The following BCORL1 variants were observed in gnomAD, a reference collection of about 807,000 sequenced individuals.
BCORL1 encodes the protein BCL-6 corepressor-like protein 1.
In BCORL1, 7 loss-of-function variants were observed where a neutral mutation model predicts 87.6. That is an observed-to-expected ratio of 0.08 (90% confidence interval 0.05 to 0.15). The LOEUF (loss-of-function observed/expected upper bound fraction) is 0.15, where lower values mean the gene tolerates loss of function less well. BCORL1 is among the 10% of genes least tolerant of loss of function. The pLI is 1.00. For missense variants in BCORL1, 1,215 were observed against 1,499.7 expected, an observed-to-expected ratio of 0.81 and a Z score of 3.13; for synonymous variants, 591 against 634.4, an observed-to-expected ratio of 0.93 and a Z score of 1.03.
At chrX:129,996,749 A>G (rs1031424247) in intron 1 of BCORL1, among the ~76,000 whole-genome samples, 13 of 111,013 alleles carry the variant, frequency 1.2e-4, no homozygotes. Context: ...CCTCCTGAGT[A>G]GCTGGGACCA....
At position 130,016,057 on chromosome X, in the gene BCORL1, CGTA is replaced by C. The variant is rs1307759815; in HGVS notation, c.3287_3289del (p.Val1096del). 8.3e-7 allele frequency: 1 copy of C among 1,209,681 alleles called. No homozygotes were observed. The highest frequency in any genetic ancestry group is 1.1e-6 in the Non-Finnish European group (1 of 895,241). Reference sequence around the variant, plus strand: ...GGCAGGCTCGAGTGAAACAGGAAAGCGTAGGGGTCTTTGCTTGCAAGAACAAGT... The same window carrying C: ...GGCAGGCTCGAGTGAAACAGGAAAGCGGGGTCTTTGCTTGCAAGAACAAGT... On this transcript the variant is annotated inframe_deletion, in exon 4 of 14. Transcript: ENST00000540052.
intron 6 of BCORL1, 34 bp from the exon 7 acceptor site, chrX:130,024,956 G>T (rs1255627545): frequency 8.4e-7 from 1 of 1,194,230 alleles, no homozygotes; most frequent in Admixed American, 2.3e-5. Flanking sequence ...CTTTGAAGAA[G>T]TACCTGACCA....
chrX:130,002,352 G>A (rs781464314), intron 1 of BCORL1, among the ~76,000 whole-genome samples: 1 of 109,226 alleles, frequency 9.2e-6, no homozygotes, highest in African/African-American at 3.3e-5. Flanking sequence ...ATCAAGGGGC[G>A]AGCTGAAACT....
intron 9 of BCORL1, among the ~76,000 whole-genome samples, 192 bp from the exon 10 acceptor site, chrX:130,037,175 C>T (rs1431656168): frequency 5.4e-5 from 6 of 110,862 alleles, no homozygotes; most frequent in East Asian, 5.7e-4. Flanking sequence ...GCCAAGGAAA[C>T]GGCCCAGAGC....
At chrX:130,017,763 C>T (rs1053142190) in intron 4 of BCORL1, among the ~76,000 whole-genome samples, 4 of 109,951 alleles carry the variant, frequency 3.6e-5, no homozygotes, top group Non-Finnish European at 7.6e-5. Flanking sequence ...ACTTTAGCCT[C>T]CCAAGTAGCT....
intron 1 of BCORL1, among the ~76,000 whole-genome samples, chrX:129,989,346 C>T (rs1409904612): frequency 4.3e-5 from 4 of 92,061 alleles, no homozygotes; most frequent in African/African-American, 1.6e-4. Flanking sequence ...CGGGGTTTCA[C>T]CGTGTTAGCC....
chrX:130,046,363 T>C (rs1452468280), intron 11 of BCORL1, among the ~76,000 whole-genome samples: 1 of 110,763 alleles, frequency 9.0e-6, no homozygotes, highest in Non-Finnish European at 1.9e-5. Context: ...TCTATCTAGT[T>C]CCAAAACATT....
intron 1 of BCORL1, 26 bp from the exon 2 acceptor site, chrX:130,005,162 T>C: frequency 4.1e-6 from 4 of 972,094 alleles, no homozygotes; most frequent in Non-Finnish European, 4.3e-6. Flanking sequence ...TTACGAGTTT[T>C]GATTTTCTGG....
chrX:130,027,534 A>G (rs773162883), intron 7 of BCORL1, among the ~76,000 whole-genome samples: 1 of 111,662 alleles, frequency 9.0e-6, no homozygotes, highest in Non-Finnish European at 1.9e-5. Flanking sequence ...CGAGTTGAGA[A>G]CTCTTCAATC....
intron 1 of BCORL1, among the ~76,000 whole-genome samples, chrX:129,989,930 C>T (rs1164599405): frequency 2.7e-5 from 3 of 109,899 alleles, no homozygotes; most frequent in East Asian, 2.9e-4. Context: ...GGATTACAAG[C>T]GCCCAGCACC....
chrX:130,054,381 G>A (rs909700554), intron 13 of BCORL1, among the ~76,000 whole-genome samples: 11 of 111,559 alleles, frequency 9.9e-5, no homozygotes, highest in Admixed American at 7.6e-4. Flanking sequence ...GAGTTACACC[G>A]GGGGAAGGTT....
chrX:130,048,006 C>T (rs1569391376), intron 11 of BCORL1, among the ~76,000 whole-genome samples: 1 of 111,682 alleles, frequency 9.0e-6, no homozygotes, highest in East Asian at 2.8e-4. Context: ...GAGCCGACAG[C>T]GGGACTGCAG....
chrX:130,005,444 A>G (rs1438024038), intron 2 of BCORL1, 127 bp downstream of exon 2: 4 of 596,614 alleles, frequency 6.7e-6, no homozygotes, highest in Admixed American at 3.0e-5. Flanking sequence ...AGTTGTTTCT[A>G]ATTTTCCTGT....
At chrX:130,048,852 G>A (rs771849044) in intron 11 of BCORL1, among the ~76,000 whole-genome samples, 2 of 111,992 alleles carry the variant, frequency 1.8e-5, no homozygotes, top group South Asian at 7.4e-4. Context: ...CCACCAATCT[G>A]CTTTCTGTCT....
chrX:130,017,123 G>A (rs181812017), intron 4 of BCORL1, among the ~76,000 whole-genome samples: 2 of 111,359 alleles, frequency 1.8e-5, no homozygotes, highest in East Asian at 5.6e-4. Flanking sequence ...ATTTTGAAAA[G>A]CTGGTGAGAG....
In BCORL1 at chrX:130,029,836, A is replaced by C. The variant is rs770369483; in HGVS notation, c.4305+975A>C. 4.5e-5 allele frequency among the ~76,000 whole-genome samples: 5 copies of C among 110,397 alleles called. No individual in the cohort carries two copies. The East Asian group carries it at 1.4e-3, about 32-fold the overall frequency. ...CGGCTAATTTTTGTATTTTTAGTAC[A>C]AAAATACAAAAAATCACCATGTTGG... On this transcript the variant is annotated intron_variant, in intron 8 of 13. Coordinates refer to ENST00000540052, the MANE Select transcript of BCORL1 (RefSeq NM_001379451.1).
At chrX:129,985,675 C>G (rs1449881668) in intron 1 of BCORL1, among the ~76,000 whole-genome samples, 1 of 110,836 alleles carries the variant, frequency 9.0e-6, no homozygotes, top group Non-Finnish European at 1.9e-5. Flanking sequence ...GCCATCTTGA[C>G]TAAGTCATGA....
chrX:130,020,929 A>C, intron 4 of BCORL1, 56 bp from the exon 5 acceptor site: 1 of 1,098,721 alleles, frequency 9.1e-7, no homozygotes, highest in Non-Finnish European at 1.2e-6. Context: ...CAACCCCTGG[A>C]GAGCTTTCTT....
At chrX:130,025,509 G>A in intron 7 of BCORL1, 130 bp downstream of exon 7, 3 of 605,972 alleles carry the variant, frequency 5.0e-6, no homozygotes, top group Non-Finnish European at 7.4e-6. Flanking sequence ...GCTGCCAGAG[G>A]GGGTCACTCA....
Sources: gnomAD v4.1 joint callset for allele counts (sites outside exome capture counted in the v4.1 genomes callset) on GRCh38, gnomAD v4.1.1 for gene constraint, MANE v1.5 for transcripts, NCBI Gene and HGNC (gene_info 2026-07-23, HGNC 2026-07-21) for gene names.